PPP2R3B: variants seen among roughly 807,000 people sequenced by gnomAD.
The protein encoded by PPP2R3B is serine/threonine-protein phosphatase 2A regulatory subunit B'' subunit beta.
Under a neutral mutation model 72.9 loss-of-function variants are expected in PPP2R3B, and 68 were observed. The ratio of observed to expected loss-of-function variants is 0.93; its 90% CI spans 0.77 to 1.14. PPP2R3B has a LOEUF of 1.14. PPP2R3B is among the 50% of genes most tolerant of loss of function. PPP2R3B has a pLI of 0.00. For synonymous variants in PPP2R3B, 466 were observed against 375.8 expected, an observed-to-expected ratio of 1.24 and a Z score of -2.78; for missense variants, 1,018 against 842.0, an observed-to-expected ratio of 1.21 and a Z score of -2.59.
chrX:340,714 C>T, intron 10 of PPP2R3B, 51 bp downstream of exon 10: 3 of 1,590,614 alleles, frequency 1.9e-6, no homozygotes, highest in Non-Finnish European at 2.6e-6. Flanking sequence ...CTGGGCCGTC[C>T]TCTCGCCCGT....
At position 356,513 on chromosome X, in the gene PPP2R3B, G is replaced by A. The variant is rs1041566633; in HGVS notation, c.510+4892C>T. The stretch of plus-strand genomic sequence containing the variant: ...TTAGTGGAGTGAGCCACCACTCCTG[G>A]GCCCTGGAAGCAGTTTTATAGCTTC... On this transcript the variant is annotated intron_variant, in intron 2 of 12. Transcript: ENST00000390665. Among the ~76,000 whole-genome samples the A allele has an allele frequency of 3.7e-4, 57 of 152,266 alleles. 3 individuals carry two copies. The highest frequency in any genetic ancestry group is 2.2e-3 in the Admixed American group (33 of 15,280).
intron 1 of PPP2R3B, among the ~76,000 whole-genome samples, chrX:382,355 A>G (rs1442798803): frequency 6.6e-6 from 1 of 151,404 alleles, no homozygotes; most frequent in Non-Finnish European, 1.5e-5. Flanking sequence ...CCACCACCAC[A>G]CCCAGCTAAT....
rs761001472 is a variant in PPP2R3B, at chrX:333,975, C to T, written c.*392G>A. 32 of 182,652 alleles carry T rather than the reference C, an allele frequency of 1.8e-4. No homozygotes were observed. The South Asian group carries it at 2.3e-3, about 13-fold the overall frequency. The allele number at this position is 182,652 out of a possible 1,614,324, so 11.3% of individuals were successfully genotyped here. ...CGTGATCGCCAGAAACGGTTTTGTA[C>T]GTTTACACAAAACATTCACACAGCC... On this transcript the variant is annotated 3_prime_UTR_variant, in exon 13 of 13. Transcript: ENST00000390665.
At chrX:377,745 C>G (rs1199630315) in intron 1 of PPP2R3B, among the ~76,000 whole-genome samples, 2 of 141,518 alleles carry the variant, frequency 1.4e-5, no homozygotes, top group African/African-American at 5.5e-5. Context: ...GTGGGGCCAC[C>G]ATGGGGCTGT....
chrX:356,895 A>G (rs1208368316), intron 2 of PPP2R3B, among the ~76,000 whole-genome samples: 5 of 119,030 alleles, frequency 4.2e-5, no homozygotes, highest in South Asian at 2.6e-4. Context: ...CGCCAGCCAC[A>G]CAGCGAGCCC....
At chrX:347,075 T>C (rs2071234594) in intron 4 of PPP2R3B, 159 bp downstream of exon 4, 3 of 334,894 alleles carry the variant, frequency 9.0e-6, no homozygotes, top group African/African-American at 7.5e-5. Context: ...GCATGTGGTG[T>C]AGACGCGGGC....
intron 2 of PPP2R3B, among the ~76,000 whole-genome samples, chrX:358,738 G>T (rs1471815508): frequency 1.3e-5 from 2 of 151,700 alleles, no homozygotes; most frequent in African/African-American, 4.8e-5. Context: ...GAAGGAAAAT[G>T]ACATGAAACG....
chrX:378,630 A>C (rs1429868153), intron 1 of PPP2R3B, among the ~76,000 whole-genome samples: 4 of 152,132 alleles, frequency 2.6e-5, no homozygotes, highest in African/African-American at 4.8e-5. Context: ...CAGCGGATTC[A>C]AAACCCGTCC....
intron 1 of PPP2R3B, among the ~76,000 whole-genome samples, chrX:383,038 C>T (rs1332986686): frequency 6.6e-6 from 1 of 152,180 alleles, no homozygotes; most frequent in African/African-American, 2.4e-5. Flanking sequence ...GGAAAGTGCA[C>T]TGGGCCGGAG....
At chrX:381,747 C>T (rs1295472279) in intron 1 of PPP2R3B, among the ~76,000 whole-genome samples, 12 of 151,818 alleles carry the variant, frequency 7.9e-5, no homozygotes, top group Middle Eastern at 6.8e-3. Context: ...TACAGGCACC[C>T]GCCACCACGC....
chrX:354,205 G>A (rs1173711044), intron 2 of PPP2R3B, among the ~76,000 whole-genome samples: 3 of 117,700 alleles, frequency 2.5e-5, no homozygotes, highest in East Asian at 5.5e-4. Flanking sequence ...GCTCACCCAG[G>A]GACCGGGGGC....
At chrX:341,442 G>T (rs751499684) in intron 8 of PPP2R3B, 46 bp from the exon 9 acceptor site, 3 of 1,596,620 alleles carry the variant, frequency 1.9e-6, no homozygotes, top group Non-Finnish European at 2.6e-6. Flanking sequence ...ATGTCAGGGA[G>T]AGCTTCACAG....
intron 1 of PPP2R3B, among the ~76,000 whole-genome samples, chrX:374,762 C>G (rs1340309767): frequency 1.3e-5 from 2 of 152,146 alleles, no homozygotes; most frequent in Non-Finnish European, 2.9e-5. Flanking sequence ...TCACTATCAC[C>G]CCGAGTCAAC....
At chrX:345,261 C>A in intron 7 of PPP2R3B, 1 of 687,218 alleles carries the variant, frequency 1.5e-6, no homozygotes, top group South Asian at 1.5e-5. Flanking sequence ...AGCTTCAGGA[C>A]CAGCGGCCCA....
chrX:386,425 G>C lies in PPP2R3B; in HGVS notation c.267C>G (p.Ser89=), dbSNP rs747421004. 4 of 1,319,358 alleles carry C rather than the reference G, an allele frequency of 3.0e-6. No homozygotes were observed. Among genetic ancestry groups the C allele is most frequent in the East Asian group, 2.8e-5 (1 of 35,852 alleles). 81.7% of individuals were successfully genotyped at this position (1,319,358 alleles called of 1,614,324 possible). The part of the protein sequence containing the change: ...PGPALPLGAA[S]SPRNAPHVRG... ...GAACGTGGGGCGCGTTCCTGGGGCT[G>C]GAGGCGGCGCCCAGGGGCAGCGCAG... Residue 89 remains serine, a synonymous_variant, in exon 1 of 13, where the codon TCC becomes TCG. Transcript: ENST00000390665.
chrX:381,815 G>T (rs2072132857), intron 1 of PPP2R3B, among the ~76,000 whole-genome samples: 1 of 151,766 alleles, frequency 6.6e-6, no homozygotes, highest in Non-Finnish European at 1.5e-5. Context: ...AGCCAAGATG[G>T]TCTCTATCTC....
chrX:346,418 G>A (rs1414477578), intron 5 of PPP2R3B, 158 bp from the exon 6 acceptor site: 15 of 691,372 alleles, frequency 2.2e-5, no homozygotes, highest in Admixed American at 1.8e-4. Flanking sequence ...TGCGGGAGGC[G>A]CCGCCCCAGG....
chrX:341,165 G>A, intron 9 of PPP2R3B, 142 bp downstream of exon 9: 1 of 790,302 alleles, frequency 1.3e-6, no homozygotes, highest in Non-Finnish European at 2.1e-6. Context: ...CCTGTGCCGT[G>A]CAGCCCCCAC....
chrX:352,911 A>C (rs2071360198), intron 2 of PPP2R3B, among the ~76,000 whole-genome samples: 1 of 151,224 alleles, frequency 6.6e-6, no homozygotes, highest in Non-Finnish European at 1.5e-5. Context: ...TCAGGGTCAC[A>C]TGAACCAGTG....
Sources: gnomAD v4.1 joint callset for allele counts (sites outside exome capture counted in the v4.1 genomes callset) on GRCh38, gnomAD v4.1.1 for gene constraint, MANE v1.5 for transcripts, NCBI Gene and HGNC (gene_info 2026-07-23, HGNC 2026-07-21) for gene names.